LRP1B: variants seen among roughly 807,000 people sequenced by gnomAD.
The protein encoded by LRP1B is LDL receptor related protein 1B.
A neutral mutation model predicts 556.6 loss-of-function variants in LRP1B; 217 were observed. That is an observed-to-expected ratio of 0.39 (90% CI 0.35 to 0.44). The LOEUF (loss-of-function observed/expected upper bound fraction) is 0.44, where lower values mean the gene tolerates loss of function less well. Among genes scored for constraint, LRP1B ranks in the 20% least tolerant of loss-of-function variants. LRP1B has a pLI of 1.00. For synonymous variants in LRP1B, 2,047 were observed against 1,865.8 expected, an observed-to-expected ratio of 1.10 and a Z score of -2.50; for missense variants, 5,053 against 5,620.8, an observed-to-expected ratio of 0.90 and a Z score of 3.23.
chr2:140,308,675 T>G (rs1263784206), intron 83 of LRP1B, among the ~76,000 whole-genome samples: 1 of 151,000 alleles, frequency 6.6e-6, no homozygotes, highest in Non-Finnish European at 1.5e-5. Flanking sequence ...ACTAGTTTTA[T>G]GTATATACAT....
At position 141,128,000 on chromosome 2, in the gene LRP1B, AT is replaced by A. The variant is rs1378564933; in HGVS notation, c.1013+60420del. On this transcript the variant is annotated intron_variant, in intron 7 of 90. Transcript: ENST00000389484. ...ATTTGAAATTTTTAAATTATTTATT[AT>A]TTTTTAGAGACATGTTTTTGCTATA... is the stretch of plus-strand genomic sequence containing the variant. Among the ~76,000 whole-genome samples, 6 of 152,240 alleles carry A rather than the reference AT, an allele frequency of 3.9e-5. No individual in the cohort carries two copies. In the East Asian group the frequency reaches 7.7e-4, roughly 20 times the overall value.
intron 1 of LRP1B, among the ~76,000 whole-genome samples, chr2:141,967,439 T>C (rs1472875907): frequency 3.3e-5 from 5 of 152,040 alleles, no homozygotes; most frequent in South Asian, 2.1e-4. Context: ...AGTTACTGGA[T>C]GAAATATAGA....
intron 2 of LRP1B, among the ~76,000 whole-genome samples, chr2:141,779,604 A>T (rs559243311): frequency 3.2e-4 from 49 of 152,062 alleles, no homozygotes; most frequent in African/African-American, 1.2e-3. Flanking sequence ...TTTAGTAAAG[A>T]TGGGGTTTCG....
chr2:141,381,798 T>C (rs535600416), intron 3 of LRP1B, among the ~76,000 whole-genome samples: 2 of 152,178 alleles, frequency 1.3e-5, no homozygotes, highest in Admixed American at 1.3e-4. Flanking sequence ...GGGAAATCTG[T>C]CCTTCAAAAG....
chr2:141,220,668 G>A (rs902142581), intron 6 of LRP1B, among the ~76,000 whole-genome samples: 1 of 148,232 alleles, frequency 6.7e-6, no homozygotes, highest in South Asian at 2.1e-4. Context: ...CAGAGAGAAA[G>A]GCCAGGTCAC....
At chr2:141,196,432 T>C (rs1043971518) in intron 6 of LRP1B, among the ~76,000 whole-genome samples, 2 of 152,132 alleles carry the variant, frequency 1.3e-5, no homozygotes, top group African/African-American at 4.8e-5. Flanking sequence ...CACACATATA[T>C]ATTCACACTT....
In LRP1B at chr2:140,365,341, T is replaced by C. The variant is rs139603685; in HGVS notation, c.11009-558A>G. Reference sequence around the variant, plus strand: ...TTTCAGGGTTCTTTTTAAATAAAAGTTGTGCAGTAAAGCATTATTTTTTGG... The same window carrying C: ...TTTCAGGGTTCTTTTTAAATAAAAGCTGTGCAGTAAAGCATTATTTTTTGG... On this transcript the variant is annotated intron_variant, in intron 71 of 90. Coordinates refer to ENST00000389484, the MANE Select transcript of LRP1B (RefSeq NM_018557.3). 4.4e-4 allele frequency among the ~76,000 whole-genome samples: 67 copies of C among 151,802 alleles called. 1 individual carries two copies. The East Asian group carries it at 0.011, about 26-fold the overall frequency.
chr2:140,251,100 G>A (rs12104972), intron 86 of LRP1B, among the ~76,000 whole-genome samples: 1 of 151,474 alleles, frequency 6.6e-6, no homozygotes, highest in South Asian at 2.1e-4. Context: ...ATAATGTTTT[G>A]TTTCAATTAT....
chr2:140,387,463 A>G (rs879485763), intron 66 of LRP1B, among the ~76,000 whole-genome samples: 6 of 152,206 alleles, frequency 3.9e-5, no homozygotes, highest in Non-Finnish European at 7.3e-5. Context: ...CAAAACATTT[A>G]AATAATTTCT....
intron 1 of LRP1B, among the ~76,000 whole-genome samples, chr2:142,101,801 A>G (rs1226296378): frequency 6.6e-6 from 1 of 151,968 alleles, no homozygotes; most frequent in African/African-American, 2.4e-5. Context: ...ATATTTTAGA[A>G]ATCAAGATAT....
chr2:141,794,819 A>G (rs1695747148), intron 2 of LRP1B, among the ~76,000 whole-genome samples: 1 of 152,076 alleles, frequency 6.6e-6, no homozygotes, highest in Admixed American at 6.6e-5. Flanking sequence ...TGTCCTCAGG[A>G]AATTATATGT....
At chr2:140,572,032 A>G (rs1180545157) in intron 43 of LRP1B, among the ~76,000 whole-genome samples, 1 of 151,762 alleles carries the variant, frequency 6.6e-6, no homozygotes, top group Admixed American at 6.6e-5. Context: ...TGAAGCTATA[A>G]AACTACTAAA....
intron 86 of LRP1B, among the ~76,000 whole-genome samples, chr2:140,255,070 A>T (rs1681617217): frequency 1.3e-5 from 2 of 152,214 alleles, no homozygotes; most frequent in Admixed American, 1.3e-4. Context: ...AATGAGAAAG[A>T]TTTGTTTAAA....
intron 25 of LRP1B, among the ~76,000 whole-genome samples, chr2:140,875,450 A>G (rs1835167): frequency 0.84 from 127,633 of 152,150 alleles, 53,946 homozygotes; most frequent in Non-Finnish European, 0.89. Flanking sequence ...AAATTTAATT[A>G]GCTTCCTGCT....
chr2:140,742,325 A>C lies in LRP1B; in HGVS notation c.5759-25509T>G, dbSNP rs560850701. 1.3e-4 allele frequency among the ~76,000 whole-genome samples: 20 copies of C among 152,308 alleles called. No individual in the cohort carries two copies. The East Asian group carries it at 3.9e-3, about 29-fold the overall frequency. ...TCTCTTTTAAGAAACATTCTTCTTC[A>C]TGTAGTTCTTCATCTAGTTCTCTCA... On this transcript the variant is annotated intron_variant, in intron 35 of 90. Transcript: ENST00000389484.
intron 23 of LRP1B, among the ~76,000 whole-genome samples, chr2:140,894,546 G>T (rs1272228374): frequency 6.6e-6 from 1 of 151,888 alleles, no homozygotes; most frequent in Non-Finnish European, 1.5e-5. Flanking sequence ...AAAAAATACT[G>T]CAGCTATTGA....
chr2:140,255,622 A>AT (rs1435909088), intron 86 of LRP1B, among the ~76,000 whole-genome samples: 1 of 152,154 alleles, frequency 6.6e-6, no homozygotes, highest in East Asian at 1.9e-4. Flanking sequence ...CAATAGATAT[A>AT]TTTTGCTGAT....
intron 7 of LRP1B, among the ~76,000 whole-genome samples, chr2:141,123,241 TA>T (rs11397293): frequency 3.8e-4 from 54 of 143,256 alleles, no homozygotes; most frequent in African/African-American, 9.3e-4. Context: ...TAAAGTATAA[TA>T]AAAAAAAATA....
intron 11 of LRP1B, among the ~76,000 whole-genome samples, chr2:141,035,591 A>G (rs1423387172): frequency 6.7e-6 from 1 of 149,796 alleles, no homozygotes; most frequent in African/African-American, 2.5e-5. Flanking sequence ...ATAAATAGAA[A>G]TCTTTATAAA....
Sources: gnomAD v4.1 joint callset for allele counts (sites outside exome capture counted in the v4.1 genomes callset) on GRCh38, gnomAD v4.1.1 for gene constraint, MANE v1.5 for transcripts, NCBI Gene and HGNC (gene_info 2026-07-23, HGNC 2026-07-21) for gene names.